FHDC1: variants seen among roughly 807,000 people sequenced by gnomAD.
FHDC1 encodes the protein FH2 domain-containing protein 1.
FHDC1 carries 25 observed loss-of-function variants against 52.6 expected under a neutral mutation model. That is an observed-to-expected ratio of 0.48 (90% CI 0.35 to 0.66). FHDC1 has a LOEUF of 0.66. Among genes scored for constraint, FHDC1 ranks in the 30% least tolerant of loss-of-function variants. The pLI, the probability that FHDC1 is intolerant of heterozygous loss-of-function variation, is 0.01. For synonymous variants in FHDC1, 616 were observed against 581.5 expected, an observed-to-expected ratio of 1.06 and a Z score of -0.85; for missense variants, 1,459 against 1,452.8, an observed-to-expected ratio of 1.00 and a Z score of -0.07.
Position 152,976,203 on chromosome 4 carries a change from G to GGGAC in FHDC1, c.2914_2917dup (p.Val973GlyfsTer27). The GGGAC allele has an allele frequency of 6.2e-7, 1 of 1,612,854 alleles. No individual in the cohort carries two copies. The highest frequency in any genetic ancestry group is 8.5e-7 in the Non-Finnish European group (1 of 1,179,838). ...GGCTCCAGCAGCACCCGTCCGGGGA[G>GGGAC]GGACGTTCCCCTGCAGCCCAGGGGT... On this transcript the variant is annotated frameshift_variant, in exon 12 of 12. Coordinates refer to ENST00000511601, the MANE Select transcript of FHDC1 (RefSeq NM_001371116.1). LOFTEE classifies it low-confidence loss of function (END_TRUNC).
chr4:152,932,795 A>G (rs1357900965), upstream of FHDC1, among the ~76,000 whole-genome samples: 2 of 152,246 alleles, frequency 1.3e-5, no homozygotes, highest in Admixed American at 6.5e-5. Flanking sequence ...TCTGTTTTAC[A>G]TGGATTCTGA....
chr4:152,913,517 G>A, the FHDC1 span, among the ~76,000 whole-genome samples: 2 of 152,180 alleles, frequency 1.3e-5, no homozygotes, highest in South Asian at 4.1e-4. Flanking sequence ...TATCTGAGTT[G>A]CTAGTCATTC....
At chr4:152,944,448 T>G (rs1739668017) in intron 2 of FHDC1, among the ~76,000 whole-genome samples, 2 of 151,944 alleles carry the variant, frequency 1.3e-5, no homozygotes, top group Non-Finnish European at 2.9e-5. Flanking sequence ...AATTCATCAT[T>G]TAAAAATCTG....
the FHDC1 span, among the ~76,000 whole-genome samples, chr4:152,913,683 T>C: frequency 6.6e-6 from 1 of 151,774 alleles, no homozygotes. Flanking sequence ...ATTTATTTAT[T>C]TATTTATTTT....
chr4:152,953,534 T>A lies in FHDC1; in HGVS notation c.534T>A (p.Ile178=), dbSNP rs1341515653. 1 of 1,612,628 alleles carries A rather than the reference T, an allele frequency of 6.2e-7. No homozygotes were observed. The highest frequency in any genetic ancestry group is 1.7e-5 in the Admixed American group (1 of 60,000). Residue 178 remains isoleucine, a synonymous_variant, in exon 3 of 12, where the codon ATT becomes ATA. Coordinates refer to ENST00000511601, the MANE Select transcript of FHDC1 (RefSeq NM_001371116.1). ...TILDAKRSMN[I]GIFLKQFKKS... ...TGGATGCAAAACGGAGCATGAACAT[T>A]GGGATATTTCTTAAGCAATTTAAGA...
intron 1 of FHDC1, among the ~76,000 whole-genome samples, chr4:152,939,418 GC>G (rs1305919457): frequency 6.6e-6 from 1 of 152,148 alleles, no homozygotes; most frequent in African/African-American, 2.4e-5. Context: ...ACAGGCGTGA[GC>G]CACCGCGCCT....
chr4:152,948,390 T>G (rs1475604066), intron 2 of FHDC1, among the ~76,000 whole-genome samples: 1 of 152,202 alleles, frequency 6.6e-6, no homozygotes, highest in African/African-American at 2.4e-5. Flanking sequence ...GCCAGATTCA[T>G]AGAGACAGAA....
chr4:152,916,771 G>A, the FHDC1 span, among the ~76,000 whole-genome samples: 2 of 152,168 alleles, frequency 1.3e-5, no homozygotes, highest in Non-Finnish European at 2.9e-5. Context: ...ATTCAAGTAA[G>A]CATAAAGTTG....
chr4:152,952,100 T>C (rs1739943141), intron 2 of FHDC1, among the ~76,000 whole-genome samples: 1 of 152,180 alleles, frequency 6.6e-6, no homozygotes, highest in Admixed American at 6.5e-5. Flanking sequence ...AGATTTTTCG[T>C]TTTAAAATTG....
intron 2 of FHDC1, among the ~76,000 whole-genome samples, chr4:152,949,838 G>A (rs1317983830): frequency 2.0e-5 from 3 of 152,168 alleles, no homozygotes; most frequent in Admixed American, 6.5e-5. Context: ...AGTTGAGTGC[G>A]TTAATTACCT....
chr4:152,937,926 T>C (rs950256127), intron 1 of FHDC1, among the ~76,000 whole-genome samples: 14 of 151,972 alleles, frequency 9.2e-5, no homozygotes, highest in Middle Eastern at 3.2e-3. Context: ...GGGTTGGGGA[T>C]GTAAGGAGGC....
At chr4:152,938,971 C>G (rs1315374295) in intron 1 of FHDC1, among the ~76,000 whole-genome samples, 1 of 152,206 alleles carries the variant, frequency 6.6e-6, no homozygotes, top group Non-Finnish European at 1.5e-5. Flanking sequence ...GCCCTGAGCT[C>G]CAAACTGACG....
At chr4:152,924,930 C>T in the FHDC1 span, among the ~76,000 whole-genome samples, 4 of 151,088 alleles carry the variant, frequency 2.6e-5, no homozygotes, top group East Asian at 7.8e-4. Flanking sequence ...TTAATGGGTG[C>T]AGCACACCAG....
upstream of FHDC1, among the ~76,000 whole-genome samples, chr4:152,935,220 G>C (rs1312838561): frequency 6.6e-6 from 1 of 152,316 alleles, no homozygotes; most frequent in Non-Finnish European, 1.5e-5. Flanking sequence ...AAGGAGGTCA[G>C]GAATTCTGTC....
At chr4:152,945,915 G>C (rs1041403839) in intron 2 of FHDC1, among the ~76,000 whole-genome samples, 2 of 152,178 alleles carry the variant, frequency 1.3e-5, no homozygotes, top group Non-Finnish European at 2.9e-5. Context: ...GCCCCTGGCA[G>C]GCACCATTCT....
At chr4:152,950,704 C>G (rs892399947) in intron 2 of FHDC1, among the ~76,000 whole-genome samples, 1 of 152,158 alleles carries the variant, frequency 6.6e-6, no homozygotes, top group African/African-American at 2.4e-5. Context: ...TCTGGGGTCA[C>G]CAGGGGACTT....
the FHDC1 span, among the ~76,000 whole-genome samples, chr4:152,917,938 T>C: frequency 6.6e-6 from 1 of 152,236 alleles, no homozygotes; most frequent in Non-Finnish European, 1.5e-5. Flanking sequence ...AAAAATTCGT[T>C]AGAAATAGCA....
chr4:152,934,476 C>T (rs1739312027), upstream of FHDC1, among the ~76,000 whole-genome samples: 2 of 152,302 alleles, frequency 1.3e-5, no homozygotes, highest in South Asian at 4.1e-4. Context: ...TTCCAAGCCC[C>T]TCATTTTCCC....
chr4:152,923,747 G>C, the FHDC1 span, among the ~76,000 whole-genome samples: 1 of 151,962 alleles, frequency 6.6e-6, no homozygotes, highest in Non-Finnish European at 1.5e-5. Flanking sequence ...AGAAAAACAA[G>C]CAATGGGGAA....
Sources: allele counts gnomAD v4.1 joint callset (sites outside exome capture counted in the v4.1 genomes callset), GRCh38; gene constraint gnomAD v4.1.1; transcripts MANE v1.5; gene names NCBI Gene and HGNC (gene_info 2026-07-23, HGNC 2026-07-21).